Variants in CREB5 observed in about 807,000 individuals in gnomAD.
CREB5 encodes cAMP responsive element binding protein 5.
Under a neutral mutation model 57.1 loss-of-function variants are expected in CREB5, and 19 were observed. The ratio of observed to expected loss-of-function variants is 0.33; its 90% CI spans 0.23 to 0.49. The LOEUF (loss-of-function observed/expected upper bound fraction) is 0.49, where lower values mean the gene tolerates loss of function less well. CREB5 is among the 20% of genes least tolerant of loss of function. The pLI is 0.99. For synonymous variants in CREB5, 238 were observed against 238.3 expected, an observed-to-expected ratio of 1.00 and a Z score of 0.01; for missense variants, 579 against 671.6, an observed-to-expected ratio of 0.86 and a Z score of 1.52.
At chr7:28,656,680 G>A (rs1799344627) in intron 5 of CREB5, among the ~76,000 whole-genome samples, 1 of 152,218 alleles carries the variant, frequency 6.6e-6, no homozygotes, top group Non-Finnish European at 1.5e-5. Flanking sequence ...GGGCTGAGGA[G>A]TGTGTGAACA....
At chr7:28,773,118 T>C (rs1023379213) in intron 7 of CREB5, among the ~76,000 whole-genome samples, 1 of 152,154 alleles carries the variant, frequency 6.6e-6, no homozygotes, top group African/African-American at 2.4e-5. Context: ...CTTTTTAATA[T>C]CTGTTTTTTA....
intron 1 of CREB5, among the ~76,000 whole-genome samples, chr7:28,338,666 A>G (rs1025275820): frequency 6.6e-5 from 10 of 152,022 alleles, no homozygotes; most frequent in Non-Finnish European, 1.5e-4. Context: ...ATCTCTCCCT[A>G]GGTTTAGGAA....
intron 7 of CREB5, among the ~76,000 whole-genome samples, chr7:28,760,138 A>G (rs1805561947): frequency 6.6e-6 from 1 of 152,300 alleles, no homozygotes; most frequent in African/African-American, 2.4e-5. Context: ...CTCTATCAAC[A>G]GTTTTCTGGC....
intron 5 of CREB5, among the ~76,000 whole-genome samples, chr7:28,603,183 T>A (rs1796988316): frequency 6.6e-6 from 1 of 152,238 alleles, no homozygotes; most frequent in South Asian, 2.1e-4. Flanking sequence ...ATTGGCTGAC[T>A]GCTCTTTGAA....
In CREB5 at chr7:28,467,667, C is replaced by T. The variant is rs189266191; in HGVS notation, c.4-20508C>T. ...CGATAGGAGGTGTGTCAGAATTTCC[C>T]GCATTGTTATGAAGCTACCATGCAA... On this transcript the variant is annotated intron_variant, in intron 1 of 10. Coordinates refer to ENST00000357727, the MANE Select transcript of CREB5 (RefSeq NM_182898.4). Among the ~76,000 whole-genome samples the T allele has an allele frequency of 7.2e-5, 11 of 152,202 alleles. No homozygotes were observed. The East Asian group carries it at 1.2e-3, about 16-fold the overall frequency.
At chr7:28,550,346 G>A (rs182954883) in intron 4 of CREB5, among the ~76,000 whole-genome samples, 3 of 152,202 alleles carry the variant, frequency 2.0e-5, no homozygotes, top group Admixed American at 1.3e-4. Context: ...GCTGAGGTCA[G>A]TGCTGTCTCC....
chr7:28,452,057 T>C (rs1389045512), intron 1 of CREB5, among the ~76,000 whole-genome samples: 3 of 152,204 alleles, frequency 2.0e-5, no homozygotes, highest in Non-Finnish European at 4.4e-5. Context: ...TCATCATCTA[T>C]TGGTCTATTT....
At chr7:28,786,437 T>C (rs981405199) in intron 7 of CREB5, among the ~76,000 whole-genome samples, 54 of 152,060 alleles carry the variant, frequency 3.6e-4, no homozygotes, top group Admixed American at 1.9e-3. Flanking sequence ...TTAGTAAAGA[T>C]GGATTTTGCC....
intron 1 of CREB5, among the ~76,000 whole-genome samples, chr7:28,360,605 T>G (rs1786455711): frequency 6.6e-6 from 1 of 152,170 alleles, no homozygotes; most frequent in Non-Finnish European, 1.5e-5. Flanking sequence ...GGGTACAATA[T>G]TTCAGTTAGA....
At chr7:28,526,371 G>A (rs1262272699) in intron 4 of CREB5, among the ~76,000 whole-genome samples, 1 of 152,128 alleles carries the variant, frequency 6.6e-6, no homozygotes, top group Non-Finnish European at 1.5e-5. Context: ...AATGTTCAGA[G>A]CAATATAATA....
At chr7:28,658,989 A>ATATATATGT (rs1799480752) in intron 5 of CREB5, among the ~76,000 whole-genome samples, 1 of 141,364 alleles carries the variant, frequency 7.1e-6, no homozygotes, top group East Asian at 2.0e-4. Flanking sequence ...ATGTATATAT[A>ATATATATGT]AGTCATAATT....
intron 5 of CREB5, among the ~76,000 whole-genome samples, chr7:28,673,607 T>A (rs1213322580): frequency 6.7e-6 from 1 of 149,160 alleles, no homozygotes; most frequent in African/African-American, 2.5e-5. Context: ...GTTTCAAAAG[T>A]GGTAATGAAT....
At chr7:28,683,197 G>A (rs561193909) in intron 5 of CREB5, among the ~76,000 whole-genome samples, 1 of 152,258 alleles carries the variant, frequency 6.6e-6, no homozygotes, top group Admixed American at 6.5e-5. Context: ...TAGGGGAGAA[G>A]GCCAAATGGG....
intron 5 of CREB5, among the ~76,000 whole-genome samples, chr7:28,580,477 A>G (rs1796078637): frequency 7.6e-6 from 1 of 131,166 alleles, no homozygotes; most frequent in Non-Finnish European, 1.7e-5. Context: ...GATAGCTGCT[A>G]CTTATTTAAC....
intron 5 of CREB5, among the ~76,000 whole-genome samples, chr7:28,641,458 C>A (rs1193228781): frequency 6.6e-6 from 1 of 152,146 alleles, no homozygotes; most frequent in Non-Finnish European, 1.5e-5. Flanking sequence ...CTTGCCAACA[C>A]CCACATAGCA....
intron 1 of CREB5, among the ~76,000 whole-genome samples, chr7:28,346,945 T>G (rs1699839356): frequency 1.3e-5 from 2 of 152,268 alleles, no homozygotes; most frequent in African/African-American, 2.4e-5. Context: ...TAAGTACCAC[T>G]GGGTTGGCCT....
At chr7:28,736,826 T>TC (rs1804009877) in intron 7 of CREB5, among the ~76,000 whole-genome samples, 8 of 35,896 alleles carry the variant, frequency 2.2e-4, no homozygotes, top group East Asian at 1.5e-3. Flanking sequence ...CTCTCTCTCT[T>TC]TTTTTTTTTT....
At chr7:28,411,753 A>G (rs1787814674), upstream of CREB5, among the ~76,000 whole-genome samples, 1 of 152,182 alleles carries the variant, frequency 6.6e-6, no homozygotes, top group Admixed American at 6.6e-5. Flanking sequence ...TTATAATTAG[A>G]TCTACTTTCT....
chr7:28,359,373 G>A (rs142705572), intron 1 of CREB5, among the ~76,000 whole-genome samples: 75 of 152,274 alleles, frequency 4.9e-4, no homozygotes, highest in African/African-American at 1.6e-3. Flanking sequence ...CGTTGTCAGA[G>A]ACACTAATGA....
Sources: gnomAD v4.1 joint callset for allele counts (sites outside exome capture counted in the v4.1 genomes callset) on GRCh38, gnomAD v4.1.1 for gene constraint, MANE v1.5 for transcripts, NCBI Gene and HGNC (gene_info 2026-07-23, HGNC 2026-07-21) for gene names.